LGR4: variants seen among roughly 807,000 people sequenced by gnomAD.
The protein encoded by LGR4 is leucine rich repeat containing G protein-coupled receptor 4, also known as leucine-rich repeat-containing G protein-coupled receptor 4.
LGR4 carries 44 observed loss-of-function variants against 84.8 expected under a neutral mutation model. The observed-to-expected ratio is 0.52, with a 90% CI of 0.41 to 0.67. LGR4 has a LOEUF of 0.67. Ranked by LOEUF, LGR4 falls within the 30% of genes least tolerant of loss-of-function variation. The pLI, the probability that LGR4 is intolerant of heterozygous loss-of-function variation, is 0.00. For synonymous variants in LGR4, 429 were observed against 434.3 expected (o/e 0.99, Z 0.15); for missense variants, 1,032 against 1,131.4 (o/e 0.91, Z 1.26).
chr11:27,381,179 TA>T (rs1863085938), intron 7 of LGR4, among the ~76,000 whole-genome samples: 7 of 152,216 alleles, frequency 4.6e-5, no homozygotes, highest in Non-Finnish European at 4.4e-5. Flanking sequence ...GCTTGGTATC[TA>T]TCAGATCCCT....
chr11:27,466,905 T>C (rs1864786513), intron 1 of LGR4, among the ~76,000 whole-genome samples: 1 of 152,096 alleles, frequency 6.6e-6, no homozygotes, highest in African/African-American at 2.4e-5. Flanking sequence ...TCCCTCAGCC[T>C]CCCAAGTAGC....
chr11:27,449,358 T>TG (rs1864444138), intron 1 of LGR4, among the ~76,000 whole-genome samples: 1 of 152,108 alleles, frequency 6.6e-6, no homozygotes, highest in South Asian at 2.1e-4. Context: ...CGAGGTAAGA[T>TG]GATCATTTGA....
At chr11:27,416,618 T>C (rs1337322579) in intron 1 of LGR4, among the ~76,000 whole-genome samples, 1 of 152,136 alleles carries the variant, frequency 6.6e-6, no homozygotes, top group Non-Finnish European at 1.5e-5. Flanking sequence ...CTTGGAGCAG[T>C]TGTTCCTAAA....
intron 1 of LGR4, among the ~76,000 whole-genome samples, chr11:27,422,812 T>C (rs1258410995): frequency 6.6e-6 from 1 of 152,150 alleles, no homozygotes; most frequent in Non-Finnish European, 1.5e-5. Flanking sequence ...TTTAGTGACA[T>C]GGGCCCCCTA....
chr11:27,372,368 G>A lies in LGR4; in HGVS notation c.1410C>T (p.Cys470=). 3.7e-6 allele frequency: 6 copies of A among 1,612,174 alleles called. No homozygotes were observed. The highest frequency in any genetic ancestry group is 5.1e-6 in the Non-Finnish European group (6 of 1,178,338). Residue 470 remains cysteine, a synonymous_variant, in exon 16 of 18, where the codon TGC becomes TGT. Coordinates refer to ENST00000379214, the MANE Select transcript of LGR4 (RefSeq NM_018490.5). ...RSLSVPYAYQ[C]CAFWGCDSYA... ...AAGAGTCACAACCCCAAAATGCACA[G>A]CACTGATAAGCATATGGTACTGATA...
intron 1 of LGR4, among the ~76,000 whole-genome samples, chr11:27,443,683 C>A (rs1306268384): frequency 6.6e-6 from 1 of 151,944 alleles, no homozygotes; most frequent in Non-Finnish European, 1.5e-5. Flanking sequence ...TTAAAATGAC[C>A]CTTTCATGAA....
At position 27,461,355 on chromosome 11, in the gene LGR4, A is replaced by T. The variant is rs538036552; in HGVS notation, c.185+10763T>A. On this transcript the variant is annotated intron_variant, in intron 1 of 17. Transcript: ENST00000379214. ...CTATCTCCATAAATTAAAAAAAAAA[A>T]AATAACACATAGGTACCCCATAACC... is the stretch of plus-strand genomic sequence containing the variant. Among the ~76,000 whole-genome samples the T allele has an allele frequency of 1.1e-3, 161 of 152,190 alleles. 1 individual carries two copies. Among genetic ancestry groups the T allele is most frequent in the South Asian group, 9.1e-3 (44 of 4,826 alleles).
chr11:27,460,209 A>G (rs1209304850), intron 1 of LGR4, among the ~76,000 whole-genome samples: 1 of 152,176 alleles, frequency 6.6e-6, no homozygotes, highest in Non-Finnish European at 1.5e-5. Flanking sequence ...CCACAGACCA[A>G]AGCCCTCAAT....
intron 2 of LGR4, among the ~76,000 whole-genome samples, chr11:27,402,182 C>CT (rs1863517546): frequency 1.3e-5 from 2 of 152,198 alleles, no homozygotes; most frequent in African/African-American, 4.8e-5. Context: ...TTAACCCTTC[C>CT]TGCTGGTCCC....
At chr11:27,370,395 T>C (rs778346809) in intron 17 of LGR4, among the ~76,000 whole-genome samples, 1 of 152,216 alleles carries the variant, frequency 6.6e-6, no homozygotes, top group Non-Finnish European at 1.5e-5. Context: ...CCTGAGAGAA[T>C]AGGATACCTT....
intron 2 of LGR4, among the ~76,000 whole-genome samples, chr11:27,398,933 T>C (rs1863443322): frequency 6.6e-6 from 1 of 151,994 alleles, no homozygotes; most frequent in South Asian, 2.1e-4. Context: ...TGAGACGGAG[T>C]TTCATTCTTG....
chr11:27,456,221 A>G (rs1864574022), intron 1 of LGR4, among the ~76,000 whole-genome samples: 1 of 152,240 alleles, frequency 6.6e-6, no homozygotes, highest in East Asian at 1.9e-4. Flanking sequence ...CATGAATAAT[A>G]GCCCTGCTGC....
chr11:27,427,416 C>G (rs946032759), intron 1 of LGR4, among the ~76,000 whole-genome samples: 2 of 152,164 alleles, frequency 1.3e-5, no homozygotes, highest in African/African-American at 4.8e-5. Context: ...ATTCAGGAAA[C>G]TGCAAGTAGA....
At chr11:27,441,652 G>C (rs1265418077) in intron 1 of LGR4, among the ~76,000 whole-genome samples, 1 of 152,172 alleles carries the variant, frequency 6.6e-6, no homozygotes, top group East Asian at 1.9e-4. Context: ...CTTAAAAAGA[G>C]AGAGAGAGGG....
chr11:27,371,471 C>T (rs760580162), intron 17 of LGR4, 144 bp downstream of exon 17: 107 of 526,850 alleles, frequency 2.0e-4, no homozygotes, highest in Non-Finnish European at 3.0e-4. Context: ...CTGGCTGGTA[C>T]GCAAAGCACA....
At chr11:27,431,811 T>A (rs1489862061) in intron 1 of LGR4, among the ~76,000 whole-genome samples, 1 of 152,250 alleles carries the variant, frequency 6.6e-6, no homozygotes, top group Non-Finnish European at 1.5e-5. Flanking sequence ...TCAGCAAGGC[T>A]GCCTGAGTTC....
chr11:27,440,590 C>T (rs1331037699), intron 1 of LGR4, among the ~76,000 whole-genome samples: 1 of 152,094 alleles, frequency 6.6e-6, no homozygotes, highest in Non-Finnish European at 1.5e-5. Flanking sequence ...ACATGTGGGA[C>T]AGTAGTAGGT....
At chr11:27,414,350 T>C (rs1320682690) in intron 1 of LGR4, among the ~76,000 whole-genome samples, 2 of 151,746 alleles carry the variant, frequency 1.3e-5, no homozygotes, top group Admixed American at 1.3e-4. Context: ...TTGACATAAT[T>C]ATCCATGAAT....
intron 1 of LGR4, among the ~76,000 whole-genome samples, chr11:27,447,179 T>A (rs1346205653): frequency 2.0e-5 from 3 of 151,660 alleles, no homozygotes; most frequent in African/African-American, 7.3e-5. Context: ...GAACTTAAAG[T>A]ATAATAATAA....
Sources: gnomAD v4.1 joint callset for allele counts (sites outside exome capture counted in the v4.1 genomes callset) on GRCh38, gnomAD v4.1.1 for gene constraint, MANE v1.5 for transcripts, NCBI Gene and HGNC (gene_info 2026-07-23, HGNC 2026-07-21) for gene names.